Variants in LVRN observed in about 807,000 individuals in gnomAD.
The protein encoded by LVRN is laeverin.
LVRN carries 99 observed loss-of-function variants against 111.4 expected under a neutral mutation model. That is an observed-to-expected ratio of 0.89 (90% CI 0.76 to 1.05). LVRN has a LOEUF of 1.05. Ranked by LOEUF, LVRN falls within the 50% of genes least tolerant of loss-of-function variation. LVRN has a pLI of 0.00. For synonymous variants in LVRN, 488 were observed against 449.5 expected (o/e 1.09, Z -1.08); for missense variants, 1,414 against 1,206.8 (o/e 1.17, Z -2.54).
chr5:115,999,920 T>C lies in LVRN; in HGVS notation c.1515+18T>C. The C allele has an allele frequency of 6.3e-7, 1 of 1,598,646 alleles. No individual in the cohort carries two copies. The highest frequency in any genetic ancestry group is 8.5e-7 in the Non-Finnish European group (1 of 1,174,832). On this transcript the variant is annotated intron_variant, in intron 7 of 19. Coordinates refer to ENST00000357872, the MANE Select transcript of LVRN (RefSeq NM_173800.5). ...ACAGCAAGGTAAAAGCAGTTAGAAATTTCCTTTGGTTTTGTACTCTGGTAG... is the reference window on the plus strand; with the variant it reads ...ACAGCAAGGTAAAAGCAGTTAGAAACTTCCTTTGGTTTTGTACTCTGGTAG...
chr5:116,008,576 A>G (rs1203188800), intron 13 of LVRN, among the ~76,000 whole-genome samples: 1 of 150,666 alleles, frequency 6.6e-6, no homozygotes, highest in Non-Finnish European at 1.5e-5. Flanking sequence ...GAAATTAAAA[A>G]GTACTGCTCC....
rs925091767 is a variant in LVRN at position 116,027,474 on chromosome 5, T to C, written c.*1356T>C. The C allele has an allele frequency of 6.6e-5, 10 of 152,238 alleles. No individual in the cohort carries two copies. The highest frequency in any genetic ancestry group is 1.3e-4 in the Admixed American group (2 of 15,286). The allele number at this position is 152,238 out of a possible 1,614,324, so 9.4% of individuals were successfully genotyped here. A position where few individuals can be genotyped will look rare whatever the true frequency, so the allele number is the denominator to read the frequency against. On this transcript the variant is annotated 3_prime_UTR_variant, in exon 20 of 20. Transcript: ENST00000357872. ...ATTCTCCCTGAGTGTCAGGGGAGGC[T>C]GTGGGACTTCACCACGTGGACAAAC...
At chr5:115,983,521 T>C in intron 2 of LVRN, 92 bp downstream of exon 2, 1 of 1,374,684 alleles carries the variant, frequency 7.3e-7, no homozygotes, top group Non-Finnish European at 9.7e-7. Flanking sequence ...CAGTGTATTA[T>C]GGTGTATTAT....
At chr5:115,980,264 A>T (rs1007260572) in intron 1 of LVRN, among the ~76,000 whole-genome samples, 1 of 151,942 alleles carries the variant, frequency 6.6e-6, no homozygotes, top group Non-Finnish European at 1.5e-5. Context: ...AGCACAGAGA[A>T]AAGGGAAGGA....
chr5:116,017,002 T>C (rs1279355541), intron 18 of LVRN, among the ~76,000 whole-genome samples: 1 of 152,236 alleles, frequency 6.6e-6, no homozygotes, highest in East Asian at 1.9e-4. Context: ...CAAATTGTTA[T>C]TGGAGATGTA....
Position 115,984,693 on chromosome 5 carries a change from C to A in LVRN, c.962C>A (p.Thr321Lys). Residue 321 changes from threonine (T) to lysine (K), a missense_variant, in exon 3 of 20, where the codon ACA (threonine) becomes AAA (lysine). Coordinates refer to ENST00000357872, the MANE Select transcript of LVRN (RefSeq NM_173800.5). ...VICDYDHVNR[T>K]ERGKEIRIWA... The stretch of plus-strand genomic sequence containing the variant: ...TGTGACTATGACCACGTCAACAGAA[C>A]AGAAAGGGGCAAGGAGGTGAGTGAG... 1 of 1,613,534 alleles carries A rather than the reference C, an allele frequency of 6.2e-7. No homozygotes were observed. The highest frequency in any genetic ancestry group is 8.5e-7 in the Non-Finnish European group (1 of 1,179,692).
At chr5:115,999,975 C>G in intron 7 of LVRN, 73 bp downstream of exon 7, 1 of 1,457,202 alleles carries the variant, frequency 6.9e-7, no homozygotes, top group Non-Finnish European at 9.3e-7. Context: ...TCTAAGGGTC[C>G]TATATCATCA....
intron 1 of LVRN, among the ~76,000 whole-genome samples, chr5:115,968,847 T>A (rs1212931641): frequency 3.9e-5 from 6 of 152,162 alleles, no homozygotes; most frequent in Non-Finnish European, 8.8e-5. Flanking sequence ...GGAAGGAGGC[T>A]AAGCTGGGAT....
At chr5:115,982,514 T>A (rs1272545130) in intron 1 of LVRN, among the ~76,000 whole-genome samples, 2 of 152,064 alleles carry the variant, frequency 1.3e-5, no homozygotes, top group Non-Finnish European at 2.9e-5. Context: ...ACTGCAGGGT[T>A]TTTTTGTTTT....
At position 116,005,930 on chromosome 5, in the gene LVRN, A is replaced by G. The variant is rs1014266258; in HGVS notation, c.2056A>G (p.Arg686Gly). 1.9e-6 allele frequency: 3 copies of G among 1,598,414 alleles called. No individual in the cohort carries two copies. The highest frequency in any genetic ancestry group is 2.6e-6 in the Non-Finnish European group (3 of 1,165,858). ...KDPKAIPVIH[R>G]LQLIDDAFSL... Reference sequence around the variant, plus strand: ...TCTGCAGGCGATTCCTGTTATTCACAGACTGCAGTTGATTGATGATGCCTT... The same window carrying G: ...TCTGCAGGCGATTCCTGTTATTCACGGACTGCAGTTGATTGATGATGCCTT... The change falls in exon 13 of 20, where the codon AGA (arginine) becomes GGA (glycine). Residue 686 changes from arginine (R) to glycine (G), a missense_variant. By Grantham distance (125) the Arg-to-Gly change is moderately radical. Coordinates refer to ENST00000357872, the MANE Select transcript of LVRN (RefSeq NM_173800.5).
chr5:116,024,558 C>A (rs1361941335), intron 19 of LVRN, among the ~76,000 whole-genome samples: 1 of 152,158 alleles, frequency 6.6e-6, no homozygotes, highest in Non-Finnish European at 1.5e-5. Context: ...ACATTACACC[C>A]AGAACATGCT....
At chr5:115,975,363 A>T (rs1405066967) in intron 1 of LVRN, 2 of 231,150 alleles carry the variant, frequency 8.7e-6, no homozygotes, top group Non-Finnish European at 1.7e-5. Flanking sequence ...CACCTTTCCT[A>T]AGGTCTTCTA....
chr5:115,969,794 G>A (rs1392762397), intron 1 of LVRN, among the ~76,000 whole-genome samples: 5 of 77,298 alleles, frequency 6.5e-5, no homozygotes, highest in Admixed American at 3.5e-4. Context: ...AGCGAGACTC[G>A]ATCTCAAAAA....
chr5:116,007,886 A>T (rs1390967919), intron 13 of LVRN, among the ~76,000 whole-genome samples: 1 of 152,164 alleles, frequency 6.6e-6, no homozygotes, highest in Non-Finnish European at 1.5e-5. Context: ...TGTGAACAGG[A>T]ATTGATGATG....
chr5:115,967,039 G>C (rs1326996096), intron 1 of LVRN, among the ~76,000 whole-genome samples: 2 of 152,110 alleles, frequency 1.3e-5, no homozygotes, highest in African/African-American at 4.8e-5. Flanking sequence ...CTAGATCTAA[G>C]TCTTTTGTGA....
At chr5:115,964,594 TCTGA>T (rs1048825979) in intron 1 of LVRN, among the ~76,000 whole-genome samples, 5 of 130,662 alleles carry the variant, frequency 3.8e-5, no homozygotes, top group Non-Finnish European at 8.5e-5. Flanking sequence ...CACCTACATA[TCTGA>T]CTTTTTTTTT....
Position 115,992,107 on chromosome 5 carries a change from A to G in LVRN, c.1106-16A>G. Reference sequence around the variant, plus strand: ...AAAAGATTATTTTATTTTCTCCTCCATTTAAATCCACTTAGATATAATTGC... The same window carrying G: ...AAAAGATTATTTTATTTTCTCCTCCGTTTAAATCCACTTAGATATAATTGC... On this transcript the variant is annotated splice_polypyrimidine_tract_variant and intron_variant, in intron 4 of 19. Coordinates refer to ENST00000357872, the MANE Select transcript of LVRN (RefSeq NM_173800.5). The G allele has an allele frequency of 6.3e-7, 1 of 1,588,206 alleles. No homozygotes were observed. The highest frequency in any genetic ancestry group is 8.5e-7 in the Non-Finnish European group (1 of 1,169,870).
rs75807547 is a variant in LVRN, at chr5:116,025,666, A to C, written c.2833-312A>C. On this transcript the variant is annotated intron_variant, in intron 19 of 19. Coordinates refer to ENST00000357872, the MANE Select transcript of LVRN (RefSeq NM_173800.5). ...GGGGTTCACTGTATCTCTGTCTGCAAATCTTAGAGAACACTCTATATGCGT... is the reference window on the plus strand; with the variant it reads ...GGGGTTCACTGTATCTCTGTCTGCACATCTTAGAGAACACTCTATATGCGT... Among the ~76,000 whole-genome samples the C allele has an allele frequency of 5.5e-3, 844 of 152,324 alleles. 4 individuals carry two copies. Among genetic ancestry groups the C allele is most frequent in the Non-Finnish European group, 9.2e-3 (629 of 68,024 alleles).
chr5:115,966,636 C>T (rs1164901268), intron 1 of LVRN, among the ~76,000 whole-genome samples: 1 of 152,202 alleles, frequency 6.6e-6, no homozygotes, highest in Non-Finnish European at 1.5e-5. Flanking sequence ...TTTGTGTGAA[C>T]ACAGTATTTA....
Sources: allele counts gnomAD v4.1 joint callset (sites outside exome capture counted in the v4.1 genomes callset), GRCh38; gene constraint gnomAD v4.1.1; transcripts MANE v1.5; gene names NCBI Gene and HGNC (gene_info 2026-07-23, HGNC 2026-07-21).